The following ANKRD33B variants were observed in gnomAD, a reference collection of about 807,000 sequenced individuals.
ANKRD33B encodes the protein ankyrin repeat domain-containing protein 33B.
A neutral mutation model predicts 21.5 loss-of-function variants in ANKRD33B; 6 were observed. The ratio of observed to expected loss-of-function variants is 0.28; its 90% CI spans 0.15 to 0.55. The LOEUF (loss-of-function observed/expected upper bound fraction) is 0.55, where lower values mean the gene tolerates loss of function less well. Ranked by LOEUF, ANKRD33B falls within the 20% of genes least tolerant of loss-of-function variation. The probability of loss-of-function intolerance (pLI) is 0.94; values close to 1 mark genes in which losing one functional copy is unlikely to be tolerated. For synonymous variants in ANKRD33B, 347 were observed against 342.4 expected (o/e 1.01, Z -0.15); for missense variants, 698 against 747.2 (o/e 0.93, Z 0.77).
intron 1 of ANKRD33B, among the ~76,000 whole-genome samples, chr5:10,572,356 G>C (rs1190597721): frequency 6.6e-6 from 1 of 152,152 alleles, no homozygotes; most frequent in Non-Finnish European, 1.5e-5. Context: ...TCCCCACCAA[G>C]ACCTGCTGAG....
chr5:10,613,933 A>G (rs983125397), intron 1 of ANKRD33B, among the ~76,000 whole-genome samples: 12 of 151,178 alleles, frequency 7.9e-5, no homozygotes, highest in African/African-American at 2.9e-4. Flanking sequence ...TAGTTCTTCC[A>G]AAATGTTCCT....
intron 1 of ANKRD33B, among the ~76,000 whole-genome samples, chr5:10,602,173 A>G (rs1362057031): frequency 3.3e-5 from 5 of 152,202 alleles, no homozygotes; most frequent in African/African-American, 1.2e-4. Flanking sequence ...GGGTGTAGAG[A>G]TAACACCACC....
At chr5:10,613,098 C>T (rs970266371) in intron 1 of ANKRD33B, among the ~76,000 whole-genome samples, 4 of 152,138 alleles carry the variant, frequency 2.6e-5, no homozygotes, top group East Asian at 1.9e-4. Flanking sequence ...ATAGGCCCCA[C>T]GTGGCTCTGG....
rs115121392 is a variant in ANKRD33B at position 10,582,593 on chromosome 5, C to G, written c.366+17760C>G. ...ACTCTCCCTGCAGGGCTCCTCCCAA[C>G]AGTTCTCCAGATGCTTCCCTCTGTG... is the stretch of plus-strand genomic sequence containing the variant. On this transcript the variant is annotated intron_variant, in intron 1 of 3. Transcript: ENST00000296657. Among the ~76,000 whole-genome samples, 529 of 152,360 alleles carry G rather than the reference C, an allele frequency of 3.5e-3. 4 individuals are homozygous for G. Among genetic ancestry groups the G allele is most frequent in the African/African-American group, 0.012 (500 of 41,588 alleles).
At chr5:10,632,132 C>A (rs1217160429) in intron 2 of ANKRD33B, among the ~76,000 whole-genome samples, 1 of 151,802 alleles carries the variant, frequency 6.6e-6, no homozygotes, top group Non-Finnish European at 1.5e-5. Flanking sequence ...TCGGTTCAGT[C>A]CGTTGGATGG....
chr5:10,590,597 C>T (rs887368497), intron 1 of ANKRD33B, among the ~76,000 whole-genome samples: 11 of 139,582 alleles, frequency 7.9e-5, no homozygotes, highest in Non-Finnish European at 1.2e-4. Context: ...GATGCGCGCG[C>T]GCGCGCGCGC....
intron 1 of ANKRD33B, among the ~76,000 whole-genome samples, chr5:10,568,450 C>T (rs552324747): frequency 6.6e-6 from 1 of 152,374 alleles, no homozygotes; most frequent in South Asian, 2.1e-4. Flanking sequence ...GTTTAAATGT[C>T]AGACAGCTCT....
intron 1 of ANKRD33B, among the ~76,000 whole-genome samples, chr5:10,570,725 TTTTA>T (rs1427255658): frequency 6.6e-6 from 1 of 151,830 alleles, no homozygotes; most frequent in Admixed American, 6.6e-5. Context: ...CCAGGCTAAT[TTTTA>T]TTTATTTTTT....
Position 10,630,896 on chromosome 5 carries a change from A to C in ANKRD33B, c.497-7132A>C, listed in dbSNP as rs958620215. ...AAAAAAAAAAAAAAAAGAAGAAGAA[A>C]TATAATGCTAATAAATAGACTGAGT... On this transcript the variant is annotated intron_variant, in intron 2 of 3. Coordinates refer to ENST00000296657, the MANE Select transcript of ANKRD33B (RefSeq NM_001164440.2). Among the ~76,000 whole-genome samples, 19 of 148,902 alleles carry C rather than the reference A, an allele frequency of 1.3e-4. No individual in the cohort carries two copies. In the East Asian group the frequency reaches 2.0e-3, roughly 16 times the overall value.
intron 1 of ANKRD33B, among the ~76,000 whole-genome samples, chr5:10,601,551 T>C (rs768740010): frequency 5.9e-5 from 9 of 152,236 alleles, no homozygotes; most frequent in African/African-American, 9.6e-5. Flanking sequence ...CATTGTTTAC[T>C]TCTCTGCCTC....
At position 10,656,838 on chromosome 5, in the gene ANKRD33B, TCAA is replaced by T. The variant is rs1445358226; in HGVS notation, c.*6728_*6730del. 1 of 152,390 alleles carries T rather than the reference TCAA, an allele frequency of 6.6e-6. No homozygotes were observed. The highest frequency in any genetic ancestry group is 1.5e-5 in the Non-Finnish European group (1 of 68,066). 9.4% of individuals were successfully genotyped at this position (152,390 alleles called of 1,614,324 possible). On this transcript the variant is annotated 3_prime_UTR_variant, in exon 4 of 4. Transcript: ENST00000296657. ...ATTTGGCTGCAGGTTACCGTCAGAA[TCAA>T]CACCATATCCTGAGGAAGCCCTGGT...
At chr5:10,600,771 C>T (rs1735911229) in intron 1 of ANKRD33B, among the ~76,000 whole-genome samples, 1 of 152,102 alleles carries the variant, frequency 6.6e-6, no homozygotes, top group Admixed American at 6.6e-5. Context: ...TTTTACACTC[C>T]CACCTGCTGG....
At chr5:10,573,168 T>C (rs1735237879) in intron 1 of ANKRD33B, among the ~76,000 whole-genome samples, 1 of 152,174 alleles carries the variant, frequency 6.6e-6, no homozygotes, top group East Asian at 1.9e-4. Flanking sequence ...AGGGACATCA[T>C]TTAAAAATAA....
At chr5:10,615,155 C>T (rs141389877) in intron 1 of ANKRD33B, among the ~76,000 whole-genome samples, 3 of 152,240 alleles carry the variant, frequency 2.0e-5, no homozygotes, top group African/African-American at 4.8e-5. Flanking sequence ...CTTGTATCCA[C>T]CTAGGGAAGG....
At chr5:10,588,616 G>A (rs1262919092) in intron 1 of ANKRD33B, among the ~76,000 whole-genome samples, 1 of 152,238 alleles carries the variant, frequency 6.6e-6, no homozygotes, top group Non-Finnish European at 1.5e-5. Context: ...TCAGTGAGAA[G>A]TGACTTGTGT....
intron 1 of ANKRD33B, among the ~76,000 whole-genome samples, chr5:10,617,976 G>C (rs1415378244): frequency 2.0e-5 from 3 of 152,122 alleles, no homozygotes; most frequent in Non-Finnish European, 2.9e-5. Context: ...CACCCGCCCT[G>C]CACACACCTT....
At chr5:10,595,769 C>A (rs1212350633) in intron 1 of ANKRD33B, among the ~76,000 whole-genome samples, 2 of 152,186 alleles carry the variant, frequency 1.3e-5, no homozygotes, top group South Asian at 2.1e-4. Flanking sequence ...TGCACTCCAA[C>A]CCTGGACATT....
At chr5:10,583,510 C>T (rs1323144899) in intron 1 of ANKRD33B, among the ~76,000 whole-genome samples, 1 of 152,188 alleles carries the variant, frequency 6.6e-6, no homozygotes, top group Non-Finnish European at 1.5e-5. Flanking sequence ...AGTGCCTTCC[C>T]CTCTGTGACA....
intron 2 of ANKRD33B, among the ~76,000 whole-genome samples, chr5:10,631,945 G>A (rs1197214655): frequency 2.6e-5 from 4 of 152,174 alleles, no homozygotes; most frequent in Admixed American, 2.0e-4. Flanking sequence ...AGCATCAGGC[G>A]GTTGGTTTAT....
Sources: gnomAD v4.1 joint callset for allele counts (sites outside exome capture counted in the v4.1 genomes callset) on GRCh38, gnomAD v4.1.1 for gene constraint, MANE v1.5 for transcripts, NCBI Gene and HGNC (gene_info 2026-07-23, HGNC 2026-07-21) for gene names.